SORL1: variants seen among roughly 807,000 people sequenced by gnomAD.
SORL1 encodes sortilin-related receptor.
SORL1 carries 127 observed loss-of-function variants against 273.7 expected under a neutral mutation model. The observed-to-expected ratio is 0.46, with a 90% CI of 0.40 to 0.54. The LOEUF is 0.54. Ranked by LOEUF, SORL1 falls within the 20% of genes least tolerant of loss-of-function variation. The pLI is 0.00. For synonymous variants in SORL1, 1,031 were observed against 1,067.4 expected (o/e 0.97, Z 0.66); for missense variants, 2,494 against 2,846.1 (o/e 0.88, Z 2.81).
chr11:121,623,395 C>T (rs576473614), intron 45 of SORL1, among the ~76,000 whole-genome samples: 1 of 152,334 alleles, frequency 6.6e-6, no homozygotes, highest in Non-Finnish European at 1.5e-5. Context: ...AAAGTGTTCA[C>T]ACCCATTGAT....
intron 2 of SORL1, among the ~76,000 whole-genome samples, chr11:121,477,149 C>G (rs754409871): frequency 2.6e-5 from 4 of 152,046 alleles, no homozygotes; most frequent in Non-Finnish European, 5.9e-5. Flanking sequence ...TGAAAAATAA[C>G]TAAGTTATTT....
At chr11:121,457,025 CT>C (rs956595087) in intron 1 of SORL1, among the ~76,000 whole-genome samples, 1 of 152,208 alleles carries the variant, frequency 6.6e-6, no homozygotes, top group Non-Finnish European at 1.5e-5. Context: ...TTCAGGTTGG[CT>C]TTTATGTAGC....
intron 32 of SORL1, among the ~76,000 whole-genome samples, chr11:121,602,818 A>G (rs1230992945): frequency 6.6e-6 from 1 of 152,252 alleles, no homozygotes; most frequent in Non-Finnish European, 1.5e-5. Context: ...AAATTAAACT[A>G]TAAACAAAAT....
At chr11:121,483,482 G>A (rs1170354558) in intron 3 of SORL1, among the ~76,000 whole-genome samples, 1 of 152,208 alleles carries the variant, frequency 6.6e-6, no homozygotes, top group East Asian at 1.9e-4. Flanking sequence ...ATAGACTGTG[G>A]ATACATTCTA....
intron 32 of SORL1, among the ~76,000 whole-genome samples, chr11:121,598,181 G>A (rs1452786680): frequency 6.6e-6 from 1 of 152,140 alleles, no homozygotes; most frequent in African/African-American, 2.4e-5. Flanking sequence ...ACTTCATCAT[G>A]GGGGGAATGG....
At chr11:121,555,450 T>C (rs1439636953) in intron 18 of SORL1, 132 bp downstream of exon 18, 1 of 1,152,476 alleles carries the variant, frequency 8.7e-7, no homozygotes, top group African/African-American at 1.5e-5. Context: ...TTCCAGAGAA[T>C]GGACCAGCTG....
At chr11:121,552,778 C>T (rs568833564) in intron 16 of SORL1, among the ~76,000 whole-genome samples, 23 of 152,192 alleles carry the variant, frequency 1.5e-4, no homozygotes, top group Non-Finnish European at 2.6e-4. Flanking sequence ...CATGTTAAGT[C>T]ACTGAGTGTA....
intron 25 of SORL1, among the ~76,000 whole-genome samples, chr11:121,580,960 T>G (rs890411127): frequency 6.7e-6 from 1 of 149,246 alleles, no homozygotes; most frequent in African/African-American, 2.5e-5. Flanking sequence ...TCGCCCAGGC[T>G]AGAGTACAGT....
Position 121,577,355 on chromosome 11 carries a change from G to A in SORL1, c.3535G>A (p.Gly1179Arg), listed in dbSNP as rs752701609. The change falls in exon 25 of 48, where the codon GGG becomes AGG. Residue 1179 changes from glycine to arginine, a missense_variant. Physicochemically the swap from Gly to Arg is moderately radical, Grantham distance 125. Around this residue, in one of 3 missense-constraint regions of SORL1, gnomAD observed 1,609 missense variants for 1,816.4 expected, o/e 0.89. Transcript: ENST00000260197. ...CATCCGCTCCTCCTGGGTATGTGAC[G>A]GGGACAACGACTGCAGGGACTGGTC... ...MCIRSSWVCD[G>R]DNDCRDWSDE... 4.3e-6 allele frequency: 7 copies of A among 1,613,484 alleles called. No homozygotes were observed. Among genetic ancestry groups the A allele is most frequent in the Non-Finnish European group, 1.7e-6 (2 of 1,179,634 alleles).
chr11:121,481,184 C>T (rs1393190155), intron 3 of SORL1, among the ~76,000 whole-genome samples: 2 of 115,748 alleles, frequency 1.7e-5, no homozygotes, highest in Non-Finnish European at 3.6e-5. Flanking sequence ...TATAGGCAGG[C>T]TCCATCTCCT....
At chr11:121,604,479 G>A (rs547850483) in intron 33 of SORL1, among the ~76,000 whole-genome samples, 155 bp downstream of exon 33, 1 of 152,278 alleles carries the variant, frequency 6.6e-6, no homozygotes, top group East Asian at 1.9e-4. Flanking sequence ...GGAGCCCCAA[G>A]TGAGGTGAGC....
At position 121,633,301 on chromosome 11, in the gene SORL1, C is replaced by T. The variant is rs1454899448; in HGVS notation, c.*3738C>T. 3.3e-5 allele frequency: 5 copies of T among 152,128 alleles called. No homozygotes were observed. Among genetic ancestry groups the T allele is most frequent in the Admixed American group, 6.5e-5 (1 of 15,276 alleles). The allele number at this position is 152,128 out of a possible 1,614,324, so 9.4% of individuals were successfully genotyped here. On this transcript the variant is annotated 3_prime_UTR_variant, in exon 48 of 48. Transcript: ENST00000260197. ...TTAAATCGTCACAGCCAAGTAATAA[C>T]CCAAGAATGGTATGAGTTTCATGTG...
In SORL1 at chr11:121,554,125, G is replaced by T. The variant is rs1195470204; in HGVS notation, c.2439+16G>T. ...CGTCATCCAGGTGAGTCAGCGCTTGGTCTGACTGTGGGAGCTGTGCATCGT... is the reference window on the plus strand; with the variant it reads ...CGTCATCCAGGTGAGTCAGCGCTTGTTCTGACTGTGGGAGCTGTGCATCGT... On this transcript the variant is annotated intron_variant, in intron 17 of 47. Coordinates refer to ENST00000260197, the MANE Select transcript of SORL1 (RefSeq NM_003105.6). This position sits in a 1 kb window ranked among gnomAD's most constrained non-coding sequence, Gnocchi z 4.6. The T allele has an allele frequency of 1.2e-6, 2 of 1,610,394 alleles. No individual in the cohort carries two copies. Among genetic ancestry groups the T allele is most frequent in the South Asian group, 1.1e-5 (1 of 90,734 alleles).
rs988364215 is a variant in SORL1 at position 121,627,450 on chromosome 11, T to C, written c.6365-105T>C. ...ACACCAGACAGGCAGTTTGTGTAGC[T>C]GTGGCTATCGCCCAGCTTTTTTTGG... On this transcript the variant is annotated intron_variant, in intron 46 of 47. Coordinates refer to ENST00000260197, the MANE Select transcript of SORL1 (RefSeq NM_003105.6). The surrounding 1 kb of genome is among the most constrained non-coding windows in gnomAD (Gnocchi z 4.9). 1 of 856,152 alleles carries C rather than the reference T, an allele frequency of 1.2e-6. No individual in the cohort carries two copies. The highest frequency in any genetic ancestry group is 1.7e-5 in the African/African-American group (1 of 60,154). 53.0% of individuals were successfully genotyped at this position (856,152 alleles called of 1,614,324 possible).
chr11:121,493,632 C>T (rs984223565), intron 5 of SORL1, among the ~76,000 whole-genome samples: 3 of 152,162 alleles, frequency 2.0e-5, no homozygotes, highest in Non-Finnish European at 4.4e-5. Context: ...TCGAGATTAG[C>T]CCTTTGGCTG....
chr11:121,618,892 T>C lies in SORL1; in HGVS notation c.5723T>C (p.Leu1908Pro). 6.2e-7 allele frequency: 1 copy of C among 1,614,142 alleles called. No homozygotes were observed. Among genetic ancestry groups the C allele is most frequent in the Non-Finnish European group, 8.5e-7 (1 of 1,179,970 alleles). Residue 1908 changes from leucine (L) to proline (P), a missense_variant and splice_region_variant, in exon 42 of 48, where the codon CTG becomes CCG. Transcript: ENST00000260197. ...AGTAAGGATGAGCAGTATTTGTTTC[T>C]GGTAAGTTTCCCATACCGTTTCAGT... The part of the protein sequence containing the change: ...IVSKDEQYLF[L>P]VRVVVPYQGP...
intron 4 of SORL1, among the ~76,000 whole-genome samples, chr11:121,489,221 C>T (rs941641499): frequency 2.6e-5 from 4 of 151,970 alleles, no homozygotes; most frequent in Admixed American, 1.3e-4. Context: ...CTTTTTTGTG[C>T]GTGTTAAAAT....
chr11:121,562,953 A>C (rs1862700589), intron 21 of SORL1, among the ~76,000 whole-genome samples: 1 of 152,204 alleles, frequency 6.6e-6, no homozygotes. Flanking sequence ...TATATTAACC[A>C]AGTGTTAAAT....
At chr11:121,510,629 T>G (rs1169864996) in intron 6 of SORL1, among the ~76,000 whole-genome samples, 1 of 152,222 alleles carries the variant, frequency 6.6e-6, no homozygotes, top group African/African-American at 2.4e-5. Context: ...TGACTAGTAC[T>G]TAGTCACGTG....
Sources: gnomAD v4.1 joint callset for allele counts (sites outside exome capture counted in the v4.1 genomes callset) on GRCh38, gnomAD v4.1.1 for gene constraint, gnomAD v4.1.1 regional missense constraint, Gnocchi (gnomAD v3.1) non-coding constraint, MANE v1.5 for transcripts, NCBI Gene and HGNC (gene_info 2026-07-23, HGNC 2026-07-21) for gene names.